KCNN2: variants seen among roughly 807,000 people sequenced by gnomAD.
KCNN2 encodes the protein potassium calcium-activated channel subfamily N member 2, also known as small conductance calcium-activated potassium channel protein 2.
Under a neutral mutation model 55.5 loss-of-function variants are expected in KCNN2, and 24 were observed. That is an observed-to-expected ratio of 0.43 (90% confidence interval 0.31 to 0.61). The LOEUF is 0.61. Ranked by LOEUF, KCNN2 falls within the 20% of genes least tolerant of loss-of-function variation. KCNN2 has a pLI of 0.08. For synonymous variants in KCNN2, 431 were observed against 336.1 expected, an observed-to-expected ratio of 1.28 and a Z score of -3.09; for missense variants, 754 against 853.6, an observed-to-expected ratio of 0.88 and a Z score of 1.45.
intron 3 of KCNN2, among the ~76,000 whole-genome samples, chr5:114,448,257 C>T (rs578019867): frequency 1.3e-5 from 2 of 152,148 alleles, no homozygotes; most frequent in South Asian, 2.1e-4. Flanking sequence ...AAATATTTTT[C>T]CGGCTTTAAC....
In KCNN2 at chr5:114,362,761, T is replaced by C; in HGVS notation, c.622T>C (p.Phe208Leu). The C allele has an allele frequency of 6.4e-7, 1 of 1,567,862 alleles. No individual in the cohort carries two copies. The stretch of plus-strand genomic sequence containing the variant: ...CCAGGCGCGCCGCGAGAGCAACCCC[T>C]TCACCGAAATAGCCATGAGCAGCTG... Reference protein sequence around the residue: ...QPQARRESNPFTEIAMSSCRY... With the variant: ...QPQARRESNPLTEIAMSSCRY... Residue 208 changes from phenylalanine (F) to leucine (L), a missense_variant, in exon 1 of 8, where the codon TTC becomes CTC. Phe to Leu is a conservative substitution (Grantham distance 22). Transcript: ENST00000673685.
intron 2 of KCNN2, among the ~76,000 whole-genome samples, chr5:114,232,588 A>G (rs1754384112): frequency 6.6e-6 from 1 of 151,128 alleles, no homozygotes; most frequent in Admixed American, 6.6e-5. Context: ...ATCAGGCTTA[A>G]CCAAAAGTTT....
intron 2 of KCNN2, among the ~76,000 whole-genome samples, chr5:114,347,200 G>C (rs1757122738): frequency 6.6e-6 from 1 of 152,164 alleles, no homozygotes; most frequent in Non-Finnish European, 1.5e-5. Flanking sequence ...CTTGATTGGT[G>C]CTAAAATTAC....
At chr5:114,124,405 G>A (rs1384420073) in intron 1 of KCNN2, among the ~76,000 whole-genome samples, 3 of 152,122 alleles carry the variant, frequency 2.0e-5, no homozygotes, top group African/African-American at 7.2e-5. Context: ...TGAGGTAAGG[G>A]ACACCGTATG....
intron 2 of KCNN2, among the ~76,000 whole-genome samples, chr5:114,237,599 A>G (rs1754529483): frequency 6.6e-6 from 1 of 152,080 alleles, no homozygotes; most frequent in African/African-American, 2.4e-5. Context: ...TTTTATCTCT[A>G]AATTTTTTTT....
intron 1 of KCNN2, among the ~76,000 whole-genome samples, chr5:114,129,559 A>G (rs1306151084): frequency 2.6e-5 from 4 of 152,226 alleles, no homozygotes; most frequent in Admixed American, 2.0e-4. Context: ...TGAACCATCC[A>G]TTCCATGTTC....
At chr5:114,152,138 T>G (rs1053708407) in intron 1 of KCNN2, among the ~76,000 whole-genome samples, 1 of 152,174 alleles carries the variant, frequency 6.6e-6, no homozygotes, top group Non-Finnish European at 1.5e-5. Context: ...TAAAAATGTC[T>G]CATTATAGTT....
chr5:114,420,270 C>T (rs113844159), intron 3 of KCNN2, among the ~76,000 whole-genome samples: 1 of 152,206 alleles, frequency 6.6e-6, no homozygotes, highest in Admixed American at 6.5e-5. Flanking sequence ...AGTCTTTTTG[C>T]AATATCTCTC....
chr5:114,327,956 C>T (rs1345455252), intron 2 of KCNN2, among the ~76,000 whole-genome samples: 1 of 152,188 alleles, frequency 6.6e-6, no homozygotes, highest in Non-Finnish European at 1.5e-5. Flanking sequence ...ACTCTACTTT[C>T]ACCAGAAAAC....
chr5:114,445,408 A>G (rs574980523), intron 3 of KCNN2, among the ~76,000 whole-genome samples: 1 of 152,354 alleles, frequency 6.6e-6, no homozygotes, highest in East Asian at 1.9e-4. Context: ...TCCATGAGAC[A>G]CTTTATAAAA....
At chr5:114,284,490 T>C (rs575032365) in intron 2 of KCNN2, among the ~76,000 whole-genome samples, 61 of 151,748 alleles carry the variant, frequency 4.0e-4, no homozygotes, top group African/African-American at 1.4e-3. Flanking sequence ...ATCCAGATAG[T>C]TGAGTACAGG....
intron 1 of KCNN2, among the ~76,000 whole-genome samples, chr5:114,167,148 A>C (rs987196504): frequency 1.3e-5 from 2 of 152,144 alleles, no homozygotes; most frequent in Non-Finnish European, 2.9e-5. Flanking sequence ...GAGAGAGTGA[A>C]CTTTCAGATG....
intron 2 of KCNN2, among the ~76,000 whole-genome samples, chr5:114,259,195 T>C (rs1284205664): frequency 6.6e-6 from 1 of 152,208 alleles, no homozygotes; most frequent in Non-Finnish European, 1.5e-5. Context: ...GCACGTGTTC[T>C]GGTTTCCTTT....
chr5:114,340,969 G>A (rs1310255470), intron 2 of KCNN2, among the ~76,000 whole-genome samples: 1 of 152,030 alleles, frequency 6.6e-6, no homozygotes, highest in African/African-American at 2.4e-5. Flanking sequence ...ATTTAACTTG[G>A]CATAATGTTT....
Position 114,101,368 on chromosome 5 carries a change from C to T in KCNN2, c.-271+44868C>T, listed in dbSNP as rs543837732. Among the ~76,000 whole-genome samples the T allele has an allele frequency of 6.1e-5, 9 of 148,002 alleles. No homozygotes were observed. In the South Asian group the frequency reaches 1.5e-3, roughly 25 times the overall value. ...TAGGTGTAATCACATCTCTAGGTGG[C>T]GCCATTTACATAGTGGTTTATGCCA... is the stretch of plus-strand genomic sequence containing the variant. On this transcript the variant is annotated intron_variant, in intron 1 of 10. Coordinates refer to the KCNN2 transcript ENST00000512097.
intron 1 of KCNN2, among the ~76,000 whole-genome samples, chr5:114,077,118 A>G (rs1750699808): frequency 6.6e-6 from 1 of 152,234 alleles, no homozygotes; most frequent in Admixed American, 6.5e-5. Flanking sequence ...CCTCTATTTC[A>G]ATGGCTGTTT....
intron 1 of KCNN2, among the ~76,000 whole-genome samples, chr5:114,217,730 A>C (rs766175415): frequency 6.6e-6 from 1 of 152,204 alleles, no homozygotes; most frequent in Admixed American, 6.5e-5. Flanking sequence ...GGCGTGATCC[A>C]TGAAAGAAAG....
chr5:114,335,382 T>G (rs1209319111), intron 2 of KCNN2, among the ~76,000 whole-genome samples: 1 of 152,190 alleles, frequency 6.6e-6, no homozygotes, highest in Non-Finnish European at 1.5e-5. Flanking sequence ...TCAGGACACT[T>G]AAAGGACGTA....
chr5:114,304,156 A>T (rs189447563), intron 2 of KCNN2, among the ~76,000 whole-genome samples: 2 of 152,228 alleles, frequency 1.3e-5, no homozygotes, highest in Non-Finnish European at 2.9e-5. Flanking sequence ...GGTGGGAGGG[A>T]TATAGACAGT....
Sources: gnomAD v4.1 joint callset for allele counts (sites outside exome capture counted in the v4.1 genomes callset) on GRCh38, gnomAD v4.1.1 for gene constraint, MANE v1.5 for transcripts, NCBI Gene and HGNC (gene_info 2026-07-23, HGNC 2026-07-21) for gene names.